Variants in TREM1 observed in about 807,000 individuals in gnomAD.
TREM1 encodes the protein triggering receptor expressed on myeloid cells 1, also known as triggering receptor expressed on monocytes 1.
In TREM1, 16 loss-of-function variants were observed where a neutral mutation model predicts 22.4. The observed-to-expected ratio is 0.71, with a 90% CI of 0.48 to 1.08. TREM1 has a LOEUF of 1.08. Ranked by LOEUF, TREM1 falls within the 50% of genes least tolerant of loss-of-function variation. TREM1 has a pLI of 0.00. For missense variants in TREM1, 283 were observed against 282.9 expected, an observed-to-expected ratio of 1.00 and a Z score of 0.00; for synonymous variants, 110 against 111.6, an observed-to-expected ratio of 0.99 and a Z score of 0.09.
At chr6:41,276,265 CAA>C in intron 3 of TREM1, 35 bp from the exon 4 acceptor site, 1 of 1,513,070 alleles carries the variant, frequency 6.6e-7, no homozygotes, top group Non-Finnish European at 9.2e-7. Flanking sequence ...CTACTGCTGG[CAA>C]AGTCTCTCCC....
intron 3 of TREM1, 98 bp downstream of exon 3, chr6:41,280,863 C>T (rs1260399774): frequency 1.3e-6 from 2 of 1,583,700 alleles, no homozygotes; most frequent in Non-Finnish European, 1.7e-6. Flanking sequence ...CCTGCCCCAC[C>T]CTCCCCTTTC....
rs756281664 is a variant in TREM1, at chr6:41,273,647, T to C, written c.*2478A>G. On this transcript the variant is annotated 3_prime_UTR_variant, in exon 4 of 4. Transcript: ENST00000244709. ...GCATTTAATAAACATGTGCATAGAA[T>C]TTAGGGAATCCAGTAAGGGGTGCTT... 6.6e-6 allele frequency among the ~76,000 whole-genome samples: 1 copy of C among 152,186 alleles called. No individual in the cohort carries two copies. Among genetic ancestry groups the C allele is most frequent in the Non-Finnish European group, 1.5e-5 (1 of 68,040 alleles).
At chr6:41,279,514 GA>G (rs200624147) in intron 3 of TREM1, 30,416 of 792,940 alleles carry the variant, frequency 0.038, 469 homozygotes, top group South Asian at 0.13. Flanking sequence ...GAAAGTAGAG[GA>G]AAAAAAAAAA....
chr6:41,271,895 T>A (rs1385053490), downstream of TREM1, among the ~76,000 whole-genome samples: 1 of 152,086 alleles, frequency 6.6e-6, no homozygotes, highest in African/African-American at 2.4e-5. Context: ...GGTCCCCTCT[T>A]CCCCAGCCTG....
intron 3 of TREM1, among the ~76,000 whole-genome samples, chr6:41,277,384 A>T (rs1437627015): frequency 6.6e-6 from 1 of 152,086 alleles, no homozygotes; most frequent in East Asian, 1.9e-4. Context: ...GCAGAGAGAC[A>T]GGCAGCAAGG....
chr6:41,280,527 ATGCC>A (rs1767861456), intron 3 of TREM1: 1 of 1,070,142 alleles, frequency 9.3e-7, no homozygotes, highest in Non-Finnish European at 1.1e-6. Flanking sequence ...GGTTTCTACC[ATGCC>A]TACTGAATTG....
chr6:41,276,124 C>T lies in TREM1; in HGVS notation c.*1G>A, dbSNP rs756670415. 2 of 1,613,480 alleles carry T rather than the reference C, an allele frequency of 1.2e-6. No homozygotes were observed. The highest frequency in any genetic ancestry group is 4.5e-5 in the East Asian group (2 of 44,872). Reference sequence around the variant, plus strand: ...GAGGACATTCTCGTGGGTTCGTGGGCCTAGGGTACAAATGACCTCAGCGTG... The same window carrying T: ...GAGGACATTCTCGTGGGTTCGTGGGTCTAGGGTACAAATGACCTCAGCGTG... On this transcript the variant is annotated 3_prime_UTR_variant, in exon 4 of 4. Coordinates refer to ENST00000244709, the MANE Select transcript of TREM1 (RefSeq NM_018643.5).
chr6:41,271,987 T>A (rs1294974021), downstream of TREM1, among the ~76,000 whole-genome samples: 2 of 152,074 alleles, frequency 1.3e-5, no homozygotes. Context: ...CCCCCTCCAC[T>A]CTATCTGCCA....
At chr6:41,272,776 T>C (rs552990646), downstream of TREM1, among the ~76,000 whole-genome samples, 27 of 152,274 alleles carry the variant, frequency 1.8e-4, no homozygotes, top group East Asian at 3.1e-3. Context: ...ACCCCAGTTA[T>C]AACAGTAATA....
Position 41,281,393 on chromosome 6 carries a change from A to AG in TREM1, c.407-241dup, listed in dbSNP as rs1258436823. On this transcript the variant is annotated intron_variant, in intron 2 of 3. Transcript: ENST00000244709. ...AGTCAGAAATCGAAAAAAGGAAAGA[A>AG]GAAAAAAAGGGCAGGAAGTGAGGGA... The AG allele has an allele frequency of 1.2e-5, 6 of 515,464 alleles. No individual in the cohort carries two copies. In the South Asian group the frequency reaches 1.5e-4, roughly 12 times the overall value. 31.9% of individuals were successfully genotyped at this position (515,464 alleles called of 1,614,324 possible).
chr6:41,282,176 C>T, intron 2 of TREM1: 1 of 521,098 alleles, frequency 1.9e-6, no homozygotes, highest in Admixed American at 3.5e-5. Context: ...TTAATTGTAC[C>T]CCAATTCCTA....
At chr6:41,277,505 C>T (rs1767720377) in intron 3 of TREM1, among the ~76,000 whole-genome samples, 1 of 152,176 alleles carries the variant, frequency 6.6e-6, no homozygotes, top group African/African-American at 2.4e-5. Flanking sequence ...CCGGGCTCTG[C>T]TCACTGCACC....
chr6:41,280,645 A>G, intron 3 of TREM1: 2 of 1,381,176 alleles, frequency 1.4e-6, no homozygotes, highest in Non-Finnish European at 1.9e-6. Flanking sequence ...GTGCTTTCCC[A>G]CTGCCCATCA....
chr6:41,267,861 G>C (rs964405238), downstream of TREM1: 11 of 397,800 alleles, frequency 2.8e-5, no homozygotes, highest in Admixed American at 3.5e-4. Context: ...AAAAAAATAA[G>C]ACAAAAGCTA....
At chr6:41,276,688 G>C (rs969139213) in intron 3 of TREM1, among the ~76,000 whole-genome samples, 3 of 152,068 alleles carry the variant, frequency 2.0e-5, no homozygotes, top group Non-Finnish European at 4.4e-5. Flanking sequence ...AGGTTTCTGG[G>C]TAAACATCAA....
intron 1 of TREM1, among the ~76,000 whole-genome samples, chr6:41,284,260 C>T (rs1768063127): frequency 6.6e-6 from 1 of 152,120 alleles, no homozygotes; most frequent in South Asian, 2.1e-4. Flanking sequence ...CTAATGGATA[C>T]CAGGCTAAGC....
At position 41,286,161 on chromosome 6, in the gene TREM1, C is replaced by T. The variant is rs112995959; in HGVS notation, c.49+446G>A. Among the ~76,000 whole-genome samples the T allele has an allele frequency of 6.4e-3, 974 of 152,336 alleles. 7 individuals are homozygous for T. The highest frequency in any genetic ancestry group is 0.022 in the African/African-American group (921 of 41,564). ...GAGCACCAGCCTCTTCTGGTCACGT[C>T]TGTGTCCTCAGCAGTAGTATATTTG... On this transcript the variant is annotated intron_variant, in intron 1 of 3. Transcript: ENST00000244709.
chr6:41,276,641 C>T (rs1164949106), intron 3 of TREM1, among the ~76,000 whole-genome samples: 2 of 152,118 alleles, frequency 1.3e-5, no homozygotes, highest in African/African-American at 4.8e-5. Flanking sequence ...GTGAAAATCT[C>T]ATCATGAATT....
Position 41,274,138 on chromosome 6 carries a change from G to T in TREM1, c.*1987C>A, listed in dbSNP as rs1424335605. Among the ~76,000 whole-genome samples the T allele has an allele frequency of 2.6e-5, 4 of 152,218 alleles. No individual in the cohort carries two copies. The highest frequency in any genetic ancestry group is 9.6e-5 in the African/African-American group (4 of 41,452). On this transcript the variant is annotated 3_prime_UTR_variant, in exon 4 of 4. Coordinates refer to ENST00000244709, the MANE Select transcript of TREM1 (RefSeq NM_018643.5). ...TATAATAAGTTAAGCACACAAGCAT[G>T]CACTGGACCATGCAGTGGGTTATGT...
Sources: allele counts gnomAD v4.1 joint callset (sites outside exome capture counted in the v4.1 genomes callset), GRCh38; gene constraint gnomAD v4.1.1; transcripts MANE v1.5; gene names NCBI Gene and HGNC (gene_info 2026-07-23, HGNC 2026-07-21).